The following COL25A1 variants were observed in gnomAD, a reference collection of about 807,000 sequenced individuals.
COL25A1 encodes the protein collagen type XXV alpha 1 chain.
In COL25A1, 103 loss-of-function variants were observed where a neutral mutation model predicts 128.4. That is an observed-to-expected ratio of 0.80 (90% CI 0.68 to 0.94). The LOEUF (loss-of-function observed/expected upper bound fraction) is 0.94, where lower values mean the gene tolerates loss of function less well. COL25A1 is among the 40% of genes least tolerant of loss of function. The pLI is 0.00. For missense variants in COL25A1, 745 were observed against 840.0 expected, an observed-to-expected ratio of 0.89 and a Z score of 1.40; for synonymous variants, 279 against 277.2, an observed-to-expected ratio of 1.01 and a Z score of -0.06.
At position 109,301,837 on chromosome 4, in the gene COL25A1, C is replaced by T. The variant is rs1426950510; in HGVS notation, c.183G>A (p.Ala61=). 1.9e-6 allele frequency: 3 copies of T among 1,614,250 alleles called. No homozygotes were observed. The highest frequency in any genetic ancestry group is 1.1e-5 in the South Asian group (1 of 91,092). The stretch of plus-strand genomic sequence containing the variant: ...TGGCGGATTCGAGAGCGGCGATCCT[C>T]GCCTGGAGGTCGTTGGTTTTCACAC... ...YLGVKTNDLQ[A]RIAALESAKG... is the part of the protein sequence containing the mutation. Residue 61 remains alanine, a synonymous_variant, in exon 2 of 38, where the codon GCG becomes GCA. Coordinates refer to ENST00000399132, the MANE Select transcript of COL25A1 (RefSeq NM_198721.4).
intron 3 of COL25A1, among the ~76,000 whole-genome samples, chr4:109,288,083 A>G (rs571193399): frequency 1.5e-3 from 233 of 152,254 alleles, no homozygotes; most frequent in African/African-American, 5.1e-3. Flanking sequence ...GCAGCGTAAA[A>G]TCCCAGAGGC....
In COL25A1 at chr4:108,860,927, C is replaced by A. The variant is rs1488896240; in HGVS notation, c.1242G>T (p.Arg414Ser). The change falls in exon 23 of 38, where the codon AGG becomes AGT. Residue 414 changes from arginine (R) to serine (S), a missense_variant and splice_region_variant. By Grantham distance (110) the Arg-to-Ser change is moderately radical. This residue lies in a region of COL25A1 where 387 missense variants were observed against 441.9 expected (regional missense o/e 0.88). Transcript: ENST00000399132. ...EKGDSGAQGP[R>S]GPPGQKGDQG... ...TTAGATGGATGAGAGGAACACTCACCCTTGGTCCCTGAGCTCCAGAGTCCC... is the reference window on the plus strand; with the variant it reads ...TTAGATGGATGAGAGGAACACTCACACTTGGTCCCTGAGCTCCAGAGTCCC... The A allele has an allele frequency of 4.3e-6, 7 of 1,613,484 alleles. No homozygotes were observed. Among genetic ancestry groups the A allele is most frequent in the Non-Finnish European group, 5.9e-6 (7 of 1,179,658 alleles).
At chr4:108,877,183 A>G (rs1360217950) in intron 19 of COL25A1, among the ~76,000 whole-genome samples, 1 of 152,220 alleles carries the variant, frequency 6.6e-6, no homozygotes, top group Non-Finnish European at 1.5e-5. Context: ...AAGTCTGTGG[A>G]GAATAACTAT....
chr4:109,034,199 GA>G (rs1759128430), intron 5 of COL25A1, among the ~76,000 whole-genome samples: 1 of 152,100 alleles, frequency 6.6e-6, no homozygotes, highest in African/African-American at 2.4e-5. Context: ...TCTGCATACA[GA>G]AACAGAATGC....
intron 3 of COL25A1, among the ~76,000 whole-genome samples, chr4:109,175,628 T>G (rs1191133993): frequency 6.6e-6 from 1 of 152,226 alleles, no homozygotes; most frequent in East Asian, 1.9e-4. Context: ...ATTTTATTTA[T>G]CCATCTTTCC....
At chr4:109,136,227 GTCTCT>G (rs1769736880) in intron 3 of COL25A1, among the ~76,000 whole-genome samples, 1 of 152,066 alleles carries the variant, frequency 6.6e-6, no homozygotes, top group African/African-American at 2.4e-5. Context: ...GTGAAACCCT[GTCTCT>G]ACTAAAAATA....
intron 3 of COL25A1, among the ~76,000 whole-genome samples, chr4:109,297,324 T>C (rs979429607): frequency 4.6e-5 from 7 of 152,092 alleles, no homozygotes; most frequent in African/African-American, 9.7e-5. Flanking sequence ...CAATAGGCTA[T>C]TTAAAATTGA....
intron 37 of COL25A1, among the ~76,000 whole-genome samples, chr4:108,815,375 T>C (rs970838411): frequency 8.9e-6 from 1 of 111,844 alleles, no homozygotes; most frequent in Non-Finnish European, 2.2e-5. Flanking sequence ...AAAAATATAA[T>C]TTAAAAAATA....
intron 3 of COL25A1, among the ~76,000 whole-genome samples, chr4:109,054,185 G>A (rs1761247381): frequency 6.6e-6 from 1 of 152,176 alleles, no homozygotes; most frequent in Non-Finnish European, 1.5e-5. Context: ...TTGACTATAT[G>A]TGAACAAGAT....
chr4:109,237,844 CA>C (rs1172048728), intron 3 of COL25A1, among the ~76,000 whole-genome samples: 1 of 152,032 alleles, frequency 6.6e-6, no homozygotes, highest in East Asian at 1.9e-4. Flanking sequence ...CCCCCATTCC[CA>C]GCCCTTGGCA....
chr4:109,239,259 T>TATAATACAGCTA (rs1779675183), intron 3 of COL25A1, among the ~76,000 whole-genome samples: 1 of 150,696 alleles, frequency 6.6e-6, no homozygotes, highest in Non-Finnish European at 1.5e-5. Context: ...ACCTAGGCTA[T>TATAATACAGCTA]ATAATACAGC....
intron 6 of COL25A1, among the ~76,000 whole-genome samples, chr4:108,981,268 T>A (rs1190332302): frequency 6.6e-6 from 1 of 152,254 alleles, no homozygotes; most frequent in Non-Finnish European, 1.5e-5. Context: ...TGAACATGTG[T>A]TCTTTCGAGT....
Position 109,117,424 on chromosome 4 carries a change from T to C in COL25A1, c.368-67245A>G, listed in dbSNP as rs1279712145. 3.3e-5 allele frequency among the ~76,000 whole-genome samples: 5 copies of C among 151,930 alleles called. No homozygotes were observed. In the South Asian group the frequency reaches 8.3e-4, roughly 25 times the overall value. On this transcript the variant is annotated intron_variant, in intron 3 of 37. Coordinates refer to ENST00000399132, the MANE Select transcript of COL25A1 (RefSeq NM_198721.4). ...CTGTACTCTGTGAAATTATTCTTCA[T>C]AAATAAAGAAGAATCAAAACTTTCT...
chr4:109,095,808 T>C (rs969780351), intron 3 of COL25A1, among the ~76,000 whole-genome samples: 2 of 152,218 alleles, frequency 1.3e-5, no homozygotes, highest in African/African-American at 4.8e-5. Flanking sequence ...GAGGCACTTA[T>C]ATGGAAAAGT....
intron 16 of COL25A1, among the ~76,000 whole-genome samples, chr4:108,893,981 G>C (rs763743693): frequency 1.3e-5 from 2 of 152,088 alleles, no homozygotes; most frequent in Non-Finnish European, 2.9e-5. Flanking sequence ...TTTACCTGAA[G>C]TATTTCTTAT....
At chr4:109,183,113 A>T (rs1309051255) in intron 3 of COL25A1, among the ~76,000 whole-genome samples, 1 of 152,138 alleles carries the variant, frequency 6.6e-6, no homozygotes, top group African/African-American at 2.4e-5. Context: ...GCCATATATG[A>T]CATTAACCTC....
At chr4:109,188,922 C>T (rs1288696463) in intron 3 of COL25A1, among the ~76,000 whole-genome samples, 1 of 151,518 alleles carries the variant, frequency 6.6e-6, no homozygotes, top group African/African-American at 2.4e-5. Flanking sequence ...CTGTGTGTGT[C>T]GGTGGGGGTA....
intron 19 of COL25A1, among the ~76,000 whole-genome samples, chr4:108,870,135 C>T (rs1738523448): frequency 6.6e-6 from 1 of 151,888 alleles, no homozygotes; most frequent in South Asian, 2.1e-4. Context: ...GCGAGCCTGT[C>T]GTCCCAGCTA....
intron 3 of COL25A1, among the ~76,000 whole-genome samples, chr4:109,051,616 T>TACACAC (rs757614145): frequency 0.13 from 14,791 of 112,304 alleles, 1,218 homozygotes; most frequent in East Asian, 0.42. Flanking sequence ...CAAACACACA[T>TACACAC]ACATACACAC....
Sources: allele counts gnomAD v4.1 joint callset (sites outside exome capture counted in the v4.1 genomes callset), GRCh38; gene constraint gnomAD v4.1.1; regional missense constraint gnomAD v4.1.1; transcripts MANE v1.5; gene names NCBI Gene and HGNC (gene_info 2026-07-23, HGNC 2026-07-21).